The following CAPN8 variants were observed in gnomAD, a reference collection of about 807,000 sequenced individuals.
The protein encoded by CAPN8 is calpain-8.
Under a neutral mutation model 80.9 loss-of-function variants are expected in CAPN8, and 87 were observed. The observed-to-expected ratio is 1.07, with a 90% CI of 0.90 to 1.28. CAPN8 has a LOEUF of 1.28. Among genes scored for constraint, CAPN8 ranks in the 50% most tolerant of loss-of-function variants. The pLI, the probability that CAPN8 is intolerant of heterozygous loss-of-function variation, is 0.00. For missense variants in CAPN8, 757 were observed against 702.0 expected, an observed-to-expected ratio of 1.08 and a Z score of -0.89; for synonymous variants, 299 against 273.8, an observed-to-expected ratio of 1.09 and a Z score of -0.91.
chr1:223,556,743 G>C (rs1656914372), intron 13 of CAPN8, among the ~76,000 whole-genome samples: 1 of 152,170 alleles, frequency 6.6e-6, no homozygotes, highest in Non-Finnish European at 1.5e-5. Context: ...TGATTTAGCA[G>C]AACCCTGCCC....
intron 12 of CAPN8, among the ~76,000 whole-genome samples, chr1:223,558,778 G>C (rs1158351154): frequency 6.6e-6 from 1 of 150,544 alleles, no homozygotes; most frequent in Non-Finnish European, 1.5e-5. Flanking sequence ...TGTTTGGTGT[G>C]TGTGGTATGT....
intron 2 of CAPN8, among the ~76,000 whole-genome samples, chr1:223,648,275 C>T (rs1400487750): frequency 6.6e-6 from 1 of 152,204 alleles, no homozygotes; most frequent in Non-Finnish European, 1.5e-5. Flanking sequence ...CCCCGAATCA[C>T]GGTTAAGCCC....
intron 2 of CAPN8, among the ~76,000 whole-genome samples, chr1:223,633,634 C>T (rs1657836214): frequency 6.6e-6 from 1 of 152,066 alleles, no homozygotes; most frequent in African/African-American, 2.4e-5. Context: ...TGCACTCCAG[C>T]CTGGACGGCA....
At chr1:223,620,072 A>G in intron 8 of CAPN8, 120 bp downstream of exon 8, 3 of 817,812 alleles carry the variant, frequency 3.7e-6, no homozygotes, top group South Asian at 1.6e-5. Flanking sequence ...AGAAGAATGA[A>G]TTCACCATGA....
intron 7 of CAPN8, 49 bp from the exon 8 acceptor site, chr1:223,620,315 C>T: frequency 6.7e-7 from 1 of 1,502,008 alleles, no homozygotes; most frequent in Non-Finnish European, 9.1e-7. Flanking sequence ...GTTCTACAAG[C>T]AGGGCAAGCT....
chr1:223,618,347 G>A, intron 9 of CAPN8: 1 of 1,546,802 alleles, frequency 6.5e-7, no homozygotes, highest in Non-Finnish European at 8.7e-7. Flanking sequence ...ACCAGGTGAG[G>A]ACCCAGGGTT....
chr1:223,656,683 T>G (rs201367084), intron 1 of CAPN8, among the ~76,000 whole-genome samples: 33 of 100,442 alleles, frequency 3.3e-4, no homozygotes, highest in Admixed American at 1.4e-3. Context: ...TTTGTTTTGT[T>G]TTTTTTTTTT....
intron 2 of CAPN8, among the ~76,000 whole-genome samples, chr1:223,639,774 T>C (rs1201192133): frequency 6.6e-6 from 1 of 152,242 alleles, no homozygotes; most frequent in African/African-American, 2.4e-5. Context: ...TATTTGAATC[T>C]GCCTGTGCTT....
At chr1:223,541,956 T>C (rs1656476687) in intron 20 of CAPN8, 97 bp from the exon 21 acceptor site, 1 of 1,534,544 alleles carries the variant, frequency 6.5e-7, no homozygotes, top group Admixed American at 2.0e-5. Context: ...GCGATCTTTT[T>C]ATCTCCATTC....
intron 2 of CAPN8, 93 bp from the exon 3 acceptor site, chr1:223,628,873 G>C (rs764620139): frequency 9.9e-7 from 1 of 1,011,036 alleles, no homozygotes; most frequent in Non-Finnish European, 1.5e-6. Flanking sequence ...CAGAGTCCAC[G>C]TTGCCACATT....
At chr1:223,632,420 A>G (rs911915710) in intron 2 of CAPN8, among the ~76,000 whole-genome samples, 4 of 151,910 alleles carry the variant, frequency 2.6e-5, no homozygotes, top group African/African-American at 9.7e-5. Flanking sequence ...TGTTGCCCAG[A>G]TGAGTGCAGT....
At chr1:223,633,544 A>G (rs1273180278) in intron 2 of CAPN8, among the ~76,000 whole-genome samples, 1 of 152,008 alleles carries the variant, frequency 6.6e-6, no homozygotes, top group Admixed American at 6.6e-5. Context: ...CACCTGTAGT[A>G]CCAGCTACTC....
rs76197752 is a variant in CAPN8 at position 223,619,228 on chromosome 1, T to C, written c.1135+65A>G. 21 of 1,522,290 alleles carry C rather than the reference T, an allele frequency of 1.4e-5. No individual in the cohort carries two copies. The African/African-American group carries it at 1.8e-4, about 13-fold the overall frequency. 94.3% of individuals were successfully genotyped at this position (1,522,290 alleles called of 1,614,324 possible). A position where few individuals can be genotyped will look rare whatever the true frequency, so the allele number is the denominator to read the frequency against. On this transcript the variant is annotated intron_variant, in intron 9 of 20. Coordinates refer to ENST00000366872, the MANE Select transcript of CAPN8 (RefSeq NM_001143962.2). ...CACAAAATAGCACCAAAAAATTACA[T>C]AAAATGACCCAGCTCAGGGAGGATA... is the stretch of plus-strand genomic sequence containing the variant.
At chr1:223,627,508 G>T (rs991566803) in intron 4 of CAPN8, among the ~76,000 whole-genome samples, 1 of 152,192 alleles carries the variant, frequency 6.6e-6, no homozygotes, top group Non-Finnish European at 1.5e-5. Context: ...GCTGAGGCTT[G>T]CTGGGAAATA....
chr1:223,643,736 C>T (rs1389535077), intron 2 of CAPN8, among the ~76,000 whole-genome samples: 1 of 152,220 alleles, frequency 6.6e-6, no homozygotes, highest in African/African-American at 2.4e-5. Flanking sequence ...GTGAGGACAG[C>T]TAGCAGAAGC....
chr1:223,636,982 T>C (rs1230488805), intron 2 of CAPN8, among the ~76,000 whole-genome samples: 1 of 152,224 alleles, frequency 6.6e-6, no homozygotes, highest in East Asian at 1.9e-4. Context: ...AATTTTGGCA[T>C]TCAAAGGAAG....
intron 13 of CAPN8, among the ~76,000 whole-genome samples, chr1:223,556,005 G>A (rs923887736): frequency 1.7e-4 from 26 of 152,306 alleles, no homozygotes; most frequent in Non-Finnish European, 3.2e-4. Flanking sequence ...CTTTGCAAAT[G>A]GTATGGCAGC....
At chr1:223,642,385 C>T (rs967669113) in intron 2 of CAPN8, among the ~76,000 whole-genome samples, 2 of 152,172 alleles carry the variant, frequency 1.3e-5, no homozygotes, top group African/African-American at 4.8e-5. Context: ...TATAATAAGG[C>T]ACACTAATCC....
chr1:223,643,291 C>T (rs754377303), intron 2 of CAPN8, among the ~76,000 whole-genome samples: 2 of 152,170 alleles, frequency 1.3e-5, no homozygotes, highest in African/African-American at 2.4e-5. Context: ...CTAAATGGCC[C>T]GGCAGTTCCA....
Sources: allele counts gnomAD v4.1 joint callset (sites outside exome capture counted in the v4.1 genomes callset), GRCh38; gene constraint gnomAD v4.1.1; transcripts MANE v1.5; gene names NCBI Gene and HGNC (gene_info 2026-07-23, HGNC 2026-07-21).